CCDC102B: variants seen among roughly 807,000 people sequenced by gnomAD.
CCDC102B encodes coiled-coil domain containing 102B.
CCDC102B carries 75 observed loss-of-function variants against 57.4 expected under a neutral mutation model. The observed-to-expected ratio is 1.31, with a 90% CI of 1.08 to 1.58. The LOEUF is 1.58. Ranked by LOEUF, CCDC102B falls within the 40% of genes most tolerant of loss-of-function variation. The pLI, the probability that CCDC102B is intolerant of heterozygous loss-of-function variation, is 0.00. For synonymous variants in CCDC102B, 206 were observed against 201.9 expected (o/e 1.02, Z -0.17); for missense variants, 636 against 582.6 (o/e 1.09, Z -0.94).
chr18:69,030,551 A>G (rs915177439), intron 7 of CCDC102B, among the ~76,000 whole-genome samples: 9 of 152,236 alleles, frequency 5.9e-5, no homozygotes, highest in Middle Eastern at 3.2e-3. Context: ...CACTTTGGGA[A>G]TCTTTTCTTG....
chr18:68,747,977 C>T (rs1309432930), intron 2 of CCDC102B, among the ~76,000 whole-genome samples: 1 of 152,004 alleles, frequency 6.6e-6, no homozygotes, highest in Non-Finnish European at 1.5e-5. Flanking sequence ...TTTAAATTTC[C>T]ACCAACACTG....
intron 7 of CCDC102B, among the ~76,000 whole-genome samples, chr18:69,048,352 A>C (rs1055280334): frequency 2.8e-4 from 42 of 152,200 alleles, no homozygotes; most frequent in African/African-American, 9.6e-4. Flanking sequence ...TTGAACCTAT[A>C]TAACAGAATG....
chr18:68,782,862 G>A (rs891431067), intron 2 of CCDC102B, among the ~76,000 whole-genome samples: 4 of 152,152 alleles, frequency 2.6e-5, no homozygotes, highest in Non-Finnish European at 5.9e-5. Context: ...TCACAGGACT[G>A]ATTAATCAGC....
chr18:69,018,155 C>T (rs1014576523), intron 7 of CCDC102B, among the ~76,000 whole-genome samples: 2 of 152,202 alleles, frequency 1.3e-5, no homozygotes, highest in Non-Finnish European at 2.9e-5. Flanking sequence ...CCATTGTGAA[C>T]ATGTTGCAAT....
intron 7 of CCDC102B, among the ~76,000 whole-genome samples, chr18:69,046,687 G>C (rs2052576258): frequency 6.6e-6 from 1 of 152,074 alleles, no homozygotes; most frequent in Non-Finnish European, 1.5e-5. Flanking sequence ...GTACAGAATG[G>C]TATTTCCTAG....
intron 1 of CCDC102B, among the ~76,000 whole-genome samples, chr18:68,826,405 A>G (rs757897781): frequency 2.6e-5 from 4 of 152,216 alleles, no homozygotes; most frequent in Non-Finnish European, 5.9e-5. Flanking sequence ...TGCTTATGAC[A>G]TGGCTCTTGG....
chr18:68,931,907 T>C (rs768428378), intron 6 of CCDC102B, among the ~76,000 whole-genome samples: 41 of 152,076 alleles, frequency 2.7e-4, no homozygotes, highest in Middle Eastern at 3.4e-3. Flanking sequence ...TTGTGGTAGC[T>C]ATATAGTGTC....
chr18:68,953,876 T>C (rs1260788009), intron 6 of CCDC102B, among the ~76,000 whole-genome samples: 2 of 152,104 alleles, frequency 1.3e-5, no homozygotes, highest in African/African-American at 4.8e-5. Context: ...ACTTTTATCA[T>C]GCGCTTTATA....
Position 68,837,075 on chromosome 18 carries a change from A to G in CCDC102B, c.312A>G (p.Glu104=), listed in dbSNP as rs1346427226. The G allele has an allele frequency of 1.2e-6, 2 of 1,614,066 alleles. No homozygotes were observed. The highest frequency in any genetic ancestry group is 1.7e-5 in the Admixed American group (1 of 59,994). Residue 104 remains glutamate (E), a synonymous_variant, in exon 2 of 8, where the codon GAA becomes GAG. Coordinates refer to ENST00000360242, the MANE Select transcript of CCDC102B (RefSeq NM_024781.3). ...CGGACTGCACTGCCAACTGGAGAGAAAAATGGAGTAAAGTTCGAGCTGAAA... is the reference window on the plus strand; with the variant it reads ...CGGACTGCACTGCCAACTGGAGAGAGAAATGGAGTAAAGTTCGAGCTGAAA... ...WWSDCTANWR[E]KWSKVRAERN... is the part of the protein sequence containing the mutation.
intron 2 of CCDC102B, among the ~76,000 whole-genome samples, chr18:68,776,358 C>T (rs772636892): frequency 6.6e-5 from 10 of 152,120 alleles, no homozygotes; most frequent in African/African-American, 2.4e-4. Flanking sequence ...TAAAGACACA[C>T]GCATGTGAGT....
intron 2 of CCDC102B, among the ~76,000 whole-genome samples, chr18:68,781,205 T>C (rs1599450659): frequency 6.6e-6 from 1 of 152,122 alleles, no homozygotes; most frequent in East Asian, 1.9e-4. Context: ...TGAGTGGTAG[T>C]CTTCTTTGTG....
At chr18:68,932,632 A>G (rs1212709313) in intron 6 of CCDC102B, among the ~76,000 whole-genome samples, 1 of 151,952 alleles carries the variant, frequency 6.6e-6, no homozygotes, top group Non-Finnish European at 1.5e-5. Flanking sequence ...CTATTCAACA[A>G]TATCTTAGTT....
intron 6 of CCDC102B, among the ~76,000 whole-genome samples, chr18:68,914,961 G>T (rs1299455364): frequency 7.4e-6 from 1 of 135,304 alleles, no homozygotes; most frequent in Non-Finnish European, 1.6e-5. Context: ...TTTTGATTTA[G>T]GCACTACTGG....
At chr18:68,996,853 G>A (rs567369349) in intron 6 of CCDC102B, among the ~76,000 whole-genome samples, 77 of 152,282 alleles carry the variant, frequency 5.1e-4, no homozygotes, top group Middle Eastern at 6.8e-3. Context: ...CATGAGATTT[G>A]GGAGGGGCCA....
At chr18:68,850,030 T>A (rs1439597432) in intron 4 of CCDC102B, among the ~76,000 whole-genome samples, 1 of 152,066 alleles carries the variant, frequency 6.6e-6, no homozygotes, top group Non-Finnish European at 1.5e-5. Flanking sequence ...TATTTCCACT[T>A]ATAATTCACA....
At chr18:69,000,034 A>G (rs2051159313) in intron 6 of CCDC102B, among the ~76,000 whole-genome samples, 1 of 152,130 alleles carries the variant, frequency 6.6e-6, no homozygotes, top group African/African-American at 2.4e-5. Context: ...ACTCCATGTA[A>G]TGAACAAAGA....
intron 2 of CCDC102B, among the ~76,000 whole-genome samples, chr18:68,732,391 G>T (rs1228528418): frequency 6.6e-6 from 1 of 151,418 alleles, no homozygotes; most frequent in Non-Finnish European, 1.5e-5. Flanking sequence ...TGTCACCCAG[G>T]CTGGAGTGCA....
At chr18:68,973,993 G>C (rs1490634357) in intron 6 of CCDC102B, among the ~76,000 whole-genome samples, 3 of 152,072 alleles carry the variant, frequency 2.0e-5, no homozygotes, top group Non-Finnish European at 4.4e-5. Flanking sequence ...CTCTATATAA[G>C]TGATATAAAA....
intron 2 of CCDC102B, among the ~76,000 whole-genome samples, chr18:68,740,509 A>G (rs565763725): frequency 9.5e-4 from 145 of 152,334 alleles, no homozygotes; most frequent in Non-Finnish European, 1.8e-3. Context: ...CCATGATCAG[A>G]TCATTCATGT....
Sources: allele counts gnomAD v4.1 joint callset (sites outside exome capture counted in the v4.1 genomes callset), GRCh38; gene constraint gnomAD v4.1.1; transcripts MANE v1.5; gene names NCBI Gene and HGNC (gene_info 2026-07-23, HGNC 2026-07-21).